The following NEB variants were observed in gnomAD, a reference collection of about 807,000 sequenced individuals.
The protein encoded by NEB is nebulin, also known as nemaline myopathy type 2.
A neutral mutation model predicts 952.2 loss-of-function variants in NEB; 512 were observed. That is an observed-to-expected ratio of 0.54 (90% CI 0.50 to 0.58). NEB has a LOEUF of 0.58. Among genes scored for constraint, NEB ranks in the 20% least tolerant of loss-of-function variants. The pLI is 0.00. For synonymous variants in NEB, 2,900 were observed against 3,149.8 expected (o/e 0.92, Z 2.66); for missense variants, 8,428 against 9,231.1 (o/e 0.91, Z 3.56).
intron 24 of NEB, chr2:151,690,404 A>G (rs1244114225): frequency 3.8e-6 from 1 of 260,096 alleles, no homozygotes; most frequent in East Asian, 9.7e-5. Context: ...TCCTACACAA[A>G]TAGATGCTTT....
In NEB at chr2:151,485,591, T is replaced by C. The variant is rs2049684915; in HGVS notation, c.*169A>G. On this transcript the variant is annotated 3_prime_UTR_variant, in exon 182 of 182. Coordinates refer to ENST00000397345, the MANE Select transcript of NEB (RefSeq NM_001164508.2). ...GCAGAAGCTTTTAAAGTGTCTGTTCTGCAACTTATTTTAAAACCCAAAGGA... is the reference window on the plus strand; with the variant it reads ...GCAGAAGCTTTTAAAGTGTCTGTTCCGCAACTTATTTTAAAACCCAAAGGA... The C allele has an allele frequency of 1.8e-6, 1 of 546,162 alleles. No individual in the cohort carries two copies. The highest frequency in any genetic ancestry group is 4.5e-5 in the South Asian group (1 of 22,286). The allele number at this position is 546,162 out of a possible 1,614,324, so 33.8% of individuals were successfully genotyped here.
At chr2:151,720,374 T>C (rs2099770880) in intron 9 of NEB, among the ~76,000 whole-genome samples, 1 of 152,202 alleles carries the variant, frequency 6.6e-6, no homozygotes, top group Admixed American at 6.5e-5. Context: ...TGCCCAATAA[T>C]TGTAGAAGTT....
chr2:151,614,227 G>C, intron 77 of NEB, 49 bp downstream of exon 77: 4 of 1,585,406 alleles, frequency 2.5e-6, no homozygotes, highest in Non-Finnish European at 3.4e-6. Flanking sequence ...GCACAAAAGA[G>C]TTAGAATGCT....
chr2:151,568,680 TAA>T lies in NEB; in HGVS notation c.17570_17571del (p.Phe5857TyrfsTer5), dbSNP rs1274766179. The T allele has an allele frequency of 6.2e-7, 1 of 1,607,784 alleles. No homozygotes were observed. Among genetic ancestry groups the T allele is most frequent in the African/African-American group, 1.3e-5 (1 of 74,892 alleles). ...KYRTKIETLNFTPVDDRVDYV... is the reference protein window; with the variant it reads ...KYRTKIETLNXTPVDDRVDYV... ...TAATCAACTCTGTCATCCACAGGCG[TAA>T]AGTTGAGAGTTTCTATTTTTGTGCG... is the stretch of plus-strand genomic sequence containing the variant. On this transcript the variant is annotated frameshift_variant, in exon 111 of 182. Transcript: ENST00000397345. LOFTEE classifies it high-confidence loss of function.
chr2:151,639,945 C>G lies in NEB; in HGVS notation c.8801G>C (p.Arg2934Pro). 1 of 1,613,890 alleles carries G rather than the reference C, an allele frequency of 6.2e-7. No homozygotes were observed. The highest frequency in any genetic ancestry group is 8.5e-7 in the Non-Finnish European group (1 of 1,179,838). ...ATEILSDKIY[R>P]QPPDRFKFTS... ...AAATTTGAATCTGTCTGGAGGCTGG[C>G]GATAGATTTTATCACTCAAAATTTC... is the stretch of plus-strand genomic sequence containing the variant. Residue 2934 changes from arginine (R) to proline (P), a missense_variant, in exon 62 of 182, where the codon CGC becomes CCC. Transcript: ENST00000397345.
At chr2:151,553,702 C>T in intron 126 of NEB, 126 bp downstream of exon 126, 1 of 1,035,890 alleles carries the variant, frequency 9.7e-7, no homozygotes, top group Non-Finnish European at 1.4e-6. Context: ...TCAAGTTGGA[C>T]AAATGGACAT....
chr2:151,705,970 T>C (rs1286911459), intron 13 of NEB, among the ~76,000 whole-genome samples: 1 of 152,206 alleles, frequency 6.6e-6, no homozygotes, highest in Non-Finnish European at 1.5e-5. Flanking sequence ...TTGATCATAG[T>C]GTACACTGTA....
chr2:151,493,958 TCTATTA>T (rs1376367493), intron 174 of NEB, 91 bp from the exon 175 acceptor site: 8 of 968,064 alleles, frequency 8.3e-6, no homozygotes, highest in Admixed American at 8.0e-5. Context: ...TTATGTTTAA[TCTATTA>T]CTATTAGTGA....
At chr2:151,659,645 A>C (rs958466102) in intron 46 of NEB, among the ~76,000 whole-genome samples, 1 of 152,152 alleles carries the variant, frequency 6.6e-6, no homozygotes, top group Non-Finnish European at 1.5e-5. Flanking sequence ...ACAATACAGC[A>C]GGGAGGATGT....
At chr2:151,510,280 A>G (rs1327755530) in intron 161 of NEB, among the ~76,000 whole-genome samples, 5 of 152,184 alleles carry the variant, frequency 3.3e-5, no homozygotes, top group Non-Finnish European at 7.3e-5. Context: ...TTAATTCTAC[A>G]TGGGTCCTGT....
At position 151,561,078 on chromosome 2, in the gene NEB, T is replaced by C. The variant is rs1481412313; in HGVS notation, c.19132A>G (p.Lys6378Glu). The change falls in exon 123 of 182, where the codon AAG becomes GAG. Residue 6378 changes from lysine to glutamate, a missense_variant. Transcript: ENST00000397345. Reference sequence around the variant, plus strand: ...TCTAGAACTGTTGTGTATTTGTCCTTAATCTGATGATAATTTTCTTTATAT... The same window carrying C: ...TCTAGAACTGTTGTGTATTTGTCCTCAATCTGATGATAATTTTCTTTATAT... ...VKYKENYHQI[K>E]DKYTTVLETV... 9.4e-6 allele frequency: 15 copies of C among 1,599,348 alleles called. No individual in the cohort carries two copies. The South Asian group carries it at 1.7e-4, about 18-fold the overall frequency.
chr2:151,529,532 T>C (rs1332680372), intron 145 of NEB, among the ~76,000 whole-genome samples: 1 of 140,598 alleles, frequency 7.1e-6, no homozygotes, highest in Admixed American at 7.9e-5. Flanking sequence ...TGTTGCCATA[T>C]AATTTTTTTT....
Position 151,570,269 on chromosome 2 carries a change from G to C in NEB, c.17242C>G (p.Arg5748Gly), listed in dbSNP as rs546869744. ...ADKLQNEREY[R>G]LDWAKWKAKI... ...GCCTTCCATTTGGCCCAGTCCAGCCGGTACTCTCGTTCATTCTGGAGCTTG... is the reference window on the plus strand; with the variant it reads ...GCCTTCCATTTGGCCCAGTCCAGCCCGTACTCTCGTTCATTCTGGAGCTTG... Residue 5748 changes from arginine to glycine, a missense_variant, in exon 109 of 182, where the codon CGG (arginine) becomes GGG (glycine). Arg to Gly is a moderately radical substitution (Grantham distance 125). Coordinates refer to ENST00000397345, the MANE Select transcript of NEB (RefSeq NM_001164508.2). 1 of 1,613,718 alleles carries C rather than the reference G, an allele frequency of 6.2e-7. No homozygotes were observed. The highest frequency in any genetic ancestry group is 8.5e-7 in the Non-Finnish European group (1 of 1,179,804).
intron 11 of NEB, 81 bp downstream of exon 11, chr2:151,710,353 G>T: frequency 1.1e-6 from 1 of 901,088 alleles, no homozygotes; most frequent in Non-Finnish European, 1.8e-6. Context: ...CACCCATTCA[G>T]GTAGAGCAAG....
Position 151,576,152 on chromosome 2 carries a change from A to G in NEB, c.16907T>C (p.Ile5636Thr), listed in dbSNP as rs753681154. ...TTTAATAGAGAAAAACTAACTCACA[A>G]TACTAATATTTTCAGCATTTGATTT... ...LAKSNAENISIPKYREVWDKD... is the reference protein window; with the variant it reads ...LAKSNAENISTPKYREVWDKD... The change falls in exon 106 of 182, where the codon ATT becomes ACT. Residue 5636 changes from isoleucine to threonine, a missense_variant and splice_region_variant. By Grantham distance (89) the Ile-to-Thr change is moderately conservative. Around this residue, in one of 11 missense-constraint regions of NEB, gnomAD observed 3,374 missense variants for 3,651.5 expected, o/e 0.92. Transcript: ENST00000397345. 1.3e-6 allele frequency: 2 copies of G among 1,589,880 alleles called. No homozygotes were observed. Among genetic ancestry groups the G allele is most frequent in the East Asian group, 4.5e-5 (2 of 44,586 alleles).
Position 151,733,202 on chromosome 2 carries a change from C to G in NEB, c.-29-17G>C. ...ACCTACAAACTTTTCATATTCCATA[C>G]AAATGAAAACATATTAGAGTCTATT... On this transcript the variant is annotated splice_polypyrimidine_tract_variant and intron_variant, in intron 2 of 181. Coordinates refer to ENST00000397345, the MANE Select transcript of NEB (RefSeq NM_001164508.2). 6.6e-7 allele frequency: 1 copy of G among 1,508,734 alleles called. No homozygotes were observed. The highest frequency in any genetic ancestry group is 1.2e-5 in the South Asian group (1 of 83,458). 93.5% of individuals were successfully genotyped at this position (1,508,734 alleles called of 1,614,324 possible).
intron 178 of NEB, 98 bp from the exon 179 acceptor site, chr2:151,491,873 C>CA: frequency 9.4e-7 from 1 of 1,068,730 alleles, no homozygotes; most frequent in Non-Finnish European, 1.4e-6. Flanking sequence ...AGGATTGAAT[C>CA]ACACTTATTC....
chr2:151,707,050 C>T lies in NEB; in HGVS notation c.1036-53G>A, dbSNP rs1425676623. On this transcript the variant is annotated intron_variant, in intron 12 of 181. Coordinates refer to ENST00000397345, the MANE Select transcript of NEB (RefSeq NM_001164508.2). ...TAACTCTATGGGTTATTTTTGCCCC[C>T]GTCTCTATTATGAATATGACATACT... The T allele has an allele frequency of 1.8e-5, 21 of 1,171,576 alleles. No homozygotes were observed. The East Asian group carries it at 2.1e-4, about 11-fold the overall frequency. The allele number at this position is 1,171,576 out of a possible 1,614,324, so 72.6% of individuals were successfully genotyped here. A position where few individuals can be genotyped will look rare whatever the true frequency, so the allele number is the denominator to read the frequency against.
At chr2:151,709,147 C>A (rs968145852) in intron 12 of NEB, among the ~76,000 whole-genome samples, 2 of 152,134 alleles carry the variant, frequency 1.3e-5, no homozygotes, top group Non-Finnish European at 1.5e-5. Context: ...GATTTATGAA[C>A]CTGCGACCAG....
Sources: allele counts gnomAD v4.1 joint callset (sites outside exome capture counted in the v4.1 genomes callset), GRCh38; gene constraint gnomAD v4.1.1; regional missense constraint gnomAD v4.1.1; transcripts MANE v1.5; gene names NCBI Gene and HGNC (gene_info 2026-07-23, HGNC 2026-07-21).